RFFL: variants seen among roughly 807,000 people sequenced by gnomAD.
RFFL encodes ring finger and FYVE like domain containing E3 ubiquitin protein ligase, also known as E3 ubiquitin-protein ligase rififylin.
In RFFL, 16 loss-of-function variants were observed where a neutral mutation model predicts 40.4. The observed-to-expected ratio is 0.40, with a 90% confidence interval of 0.27 to 0.60. The LOEUF (loss-of-function observed/expected upper bound fraction) is 0.60, where lower values mean the gene tolerates loss of function less well. Ranked by LOEUF, RFFL falls within the 20% of genes least tolerant of loss-of-function variation. The pLI is 0.47. For synonymous variants in RFFL, 154 were observed against 167.9 expected, an observed-to-expected ratio of 0.92 and a Z score of 0.64; for missense variants, 367 against 451.7, an observed-to-expected ratio of 0.81 and a Z score of 1.70.
chr17:35,075,986 C>CTTTT (rs35996071), intron 1 of RFFL, among the ~76,000 whole-genome samples: 93 of 80,010 alleles, frequency 1.2e-3, no homozygotes, highest in African/African-American at 2.0e-3. Context: ...TCAATTTATT[C>CTTTT]TTTTTTTTTT....
At chr17:35,037,114 G>C (rs1449250975) in intron 1 of RFFL, among the ~76,000 whole-genome samples, 2 of 152,170 alleles carry the variant, frequency 1.3e-5, no homozygotes, top group African/African-American at 4.8e-5. Flanking sequence ...GTGCACCATT[G>C]TATAAAAGTT....
At chr17:35,031,255 T>C (rs2091081255) in intron 1 of RFFL, among the ~76,000 whole-genome samples, 1 of 151,856 alleles carries the variant, frequency 6.6e-6, no homozygotes, top group South Asian at 2.1e-4. Context: ...TACAGGCGCC[T>C]GCTACCATGC....
chr17:35,031,660 G>A (rs1026325531), intron 1 of RFFL, among the ~76,000 whole-genome samples: 2 of 152,002 alleles, frequency 1.3e-5, no homozygotes, highest in Non-Finnish European at 2.9e-5. Context: ...TACAGGGGAA[G>A]AGGGGTGACC....
intron 2 of RFFL, among the ~76,000 whole-genome samples, chr17:35,024,827 A>C (rs1012765262): frequency 5.3e-5 from 8 of 152,246 alleles, no homozygotes; most frequent in African/African-American, 1.9e-4. Context: ...ATGAAATTAC[A>C]AATGAAAAAT....
chr17:35,029,169 C>G (rs2091064376), intron 1 of RFFL, among the ~76,000 whole-genome samples: 1 of 151,704 alleles, frequency 6.6e-6, no homozygotes, highest in African/African-American at 2.4e-5. Context: ...AACTTAAGTT[C>G]CTAGAATAAG....
chr17:35,014,233 G>T (rs947139659), intron 6 of RFFL, among the ~76,000 whole-genome samples: 2 of 152,122 alleles, frequency 1.3e-5, no homozygotes, highest in African/African-American at 4.8e-5. Flanking sequence ...CTTGTGCCCA[G>T]AGAGTAGCAC....
chr17:35,012,454 G>T (rs561449457), intron 6 of RFFL, among the ~76,000 whole-genome samples: 1 of 152,178 alleles, frequency 6.6e-6, no homozygotes, highest in Non-Finnish European at 1.5e-5. Context: ...AAGCTTAAAA[G>T]AAATAATTTT....
intron 4 of RFFL, 81 bp downstream of exon 4, chr17:35,017,442 C>T (rs549247224): frequency 1.2e-6 from 1 of 868,862 alleles, no homozygotes; most frequent in African/African-American, 1.7e-5. Context: ...TATTCTCTCT[C>T]CACTCGACTC....
At chr17:35,050,661 C>CA (rs1433147326) in intron 1 of RFFL, among the ~76,000 whole-genome samples, 1,676 of 73,728 alleles carry the variant, frequency 0.023, 12 homozygotes, top group East Asian at 0.063. Flanking sequence ...CCAGGCTCTA[C>CA]AAAAAAAAAA....
intron 1 of RFFL, among the ~76,000 whole-genome samples, chr17:35,062,590 C>T (rs76335649): frequency 7.2e-4 from 109 of 152,216 alleles, no homozygotes; most frequent in African/African-American, 2.5e-3. Context: ...GAGTACTCAA[C>T]CCTGGTAAGT....
chr17:35,084,148 A>G (rs1334655901), intron 1 of RFFL, among the ~76,000 whole-genome samples: 1 of 152,130 alleles, frequency 6.6e-6, no homozygotes, highest in Non-Finnish European at 1.5e-5. Context: ...CGGAGGCAGG[A>G]GAATTGCTTG....
intron 1 of RFFL, among the ~76,000 whole-genome samples, chr17:35,049,523 T>A (rs2091219781): frequency 6.6e-6 from 1 of 152,110 alleles, no homozygotes; most frequent in East Asian, 1.9e-4. Flanking sequence ...GGAGGTGGGT[T>A]CAGAAAATAG....
chr17:35,026,777 C>G (rs2091043813), intron 1 of RFFL, among the ~76,000 whole-genome samples: 3 of 152,186 alleles, frequency 2.0e-5, no homozygotes, highest in Non-Finnish European at 4.4e-5. Context: ...GTGATCTCAG[C>G]TCATCACAAC....
At chr17:35,082,406 A>G (rs560707246) in intron 1 of RFFL, among the ~76,000 whole-genome samples, 1 of 152,374 alleles carries the variant, frequency 6.6e-6, no homozygotes, top group East Asian at 1.9e-4. Flanking sequence ...TACCGTCCAA[A>G]TACAGATGGC....
At chr17:35,044,215 C>G (rs2091183548) in intron 1 of RFFL, among the ~76,000 whole-genome samples, 1 of 152,180 alleles carries the variant, frequency 6.6e-6, no homozygotes, top group African/African-American at 2.4e-5. Context: ...GCTAGAACTG[C>G]AAATACCCAC....
At chr17:35,057,263 A>G (rs2091266973) in intron 1 of RFFL, among the ~76,000 whole-genome samples, 1 of 152,104 alleles carries the variant, frequency 6.6e-6, no homozygotes, top group Non-Finnish European at 1.5e-5. Flanking sequence ...TCTAGCCCAC[A>G]AAGTCCCCAT....
At chr17:35,079,665 C>G (rs1284275530) in intron 1 of RFFL, among the ~76,000 whole-genome samples, 1 of 152,074 alleles carries the variant, frequency 6.6e-6, no homozygotes, top group East Asian at 1.9e-4. Context: ...CTAACTGTGT[C>G]AACATTTCAG....
At chr17:35,069,360 T>C in intron 1 of RFFL, 1 of 456,572 alleles carries the variant, frequency 2.2e-6, no homozygotes, top group South Asian at 1.5e-5. Flanking sequence ...GGGTGATTTC[T>C]AGCCAAGTAG....
chr17:35,040,602 CAA>C (rs1314518844), intron 1 of RFFL, among the ~76,000 whole-genome samples: 7 of 122,182 alleles, frequency 5.7e-5, no homozygotes, highest in Admixed American at 8.6e-5. Context: ...GACTCTCTCT[CAA>C]AAAAAAAAAA....
Sources: allele counts gnomAD v4.1 joint callset (sites outside exome capture counted in the v4.1 genomes callset), GRCh38; gene constraint gnomAD v4.1.1; transcripts MANE v1.5; gene names NCBI Gene and HGNC (gene_info 2026-07-23, HGNC 2026-07-21).